The following LETM1 variants were observed in gnomAD, a reference collection of about 807,000 sequenced individuals.
LETM1 encodes mitochondrial proton/calcium exchanger protein.
LETM1 carries 50 observed loss-of-function variants against 74.5 expected under a neutral mutation model. The observed-to-expected ratio is 0.67, with a 90% CI of 0.53 to 0.85. The LOEUF (loss-of-function observed/expected upper bound fraction) is 0.85, where lower values mean the gene tolerates loss of function less well. LETM1 is among the 40% of genes least tolerant of loss of function. LETM1 has a pLI of 0.00. For synonymous variants in LETM1, 446 were observed against 407.1 expected, an observed-to-expected ratio of 1.10 and a Z score of -1.15; for missense variants, 824 against 967.8, an observed-to-expected ratio of 0.85 and a Z score of 1.97.
intron 5 of LETM1, 32 bp from the exon 6 acceptor site, chr4:1,832,979 GAC>G (rs754968651): frequency 6.2e-7 from 1 of 1,605,012 alleles, no homozygotes; most frequent in Non-Finnish European, 8.5e-7. Context: ...TCATCCCCGG[GAC>G]ACGCGCCCAC....
intron 2 of LETM1, among the ~76,000 whole-genome samples, chr4:1,843,660 G>C (rs1176609482): frequency 6.6e-6 from 1 of 152,234 alleles, no homozygotes; most frequent in Non-Finnish European, 1.5e-5. Flanking sequence ...TGAGGCCTGG[G>C]AGGGGTGGGA....
At position 1,849,222 on chromosome 4, in the gene LETM1, C is replaced by G. The variant is rs201541239; in HGVS notation, c.83-13G>C. ...TCCCCTGGACTACCTGTAACAGGAA[C>G]AGGGGAAAATAAATGAGTAGTAAAT... On this transcript the variant is annotated splice_polypyrimidine_tract_variant and intron_variant, in intron 1 of 13. Coordinates refer to ENST00000302787, the MANE Select transcript of LETM1 (RefSeq NM_012318.3). 341 of 1,601,858 alleles carry G rather than the reference C, an allele frequency of 2.1e-4. No homozygotes were observed. Among genetic ancestry groups the G allele is most frequent in the Non-Finnish European group, 2.8e-4 (331 of 1,169,502 alleles).
chr4:1,823,093 G>C lies in LETM1; in HGVS notation c.1371C>G (p.Gly457=). 1 of 1,608,232 alleles carries C rather than the reference G, an allele frequency of 6.2e-7. No individual in the cohort carries two copies. The highest frequency in any genetic ancestry group is 8.5e-7 in the Non-Finnish European group (1 of 1,176,772). Reference sequence around the variant, plus strand: ...GCTTGGCCTTGTTGTCCACCTGCTCGCCCTCCACCTCGGCCACTTTCACCT... The same window carrying C: ...GCTTGGCCTTGTTGTCCACCTGCTCCCCCTCCACCTCGGCCACTTTCACCT... The part of the protein sequence containing the change: ...EAQVKVAEVE[G]EQVDNKAKLE... Residue 457 remains glycine, a synonymous_variant, in exon 9 of 14, where the codon GGC becomes GGG. Transcript: ENST00000302787.
At chr4:1,823,178 G>C in intron 8 of LETM1, 47 bp from the exon 9 acceptor site, 1 of 1,521,932 alleles carries the variant, frequency 6.6e-7, no homozygotes, top group South Asian at 1.3e-5. Flanking sequence ...GCCACCAGAG[G>C]CCCCTGCTGC....
intron 1 of LETM1, among the ~76,000 whole-genome samples, chr4:1,855,166 G>A (rs918040652): frequency 1.3e-5 from 2 of 152,172 alleles, no homozygotes; most frequent in Admixed American, 1.3e-4. Flanking sequence ...TATTTTACTT[G>A]AGTCCCTCTT....
intron 6 of LETM1, among the ~76,000 whole-genome samples, chr4:1,826,639 G>T (rs1711998065): frequency 6.6e-6 from 1 of 152,262 alleles, no homozygotes; most frequent in Non-Finnish European, 1.5e-5. Flanking sequence ...CTATGGGTGT[G>T]CCGGGTTAGG....
At chr4:1,823,540 G>A (rs370027982) in intron 8 of LETM1, 104 bp downstream of exon 8, 38 of 1,433,090 alleles carry the variant, frequency 2.7e-5, no homozygotes, top group African/African-American at 2.5e-4. Flanking sequence ...CAGGCTCCTC[G>A]CCCATGGTTG....
chr4:1,849,363 T>C (rs1712992446), intron 1 of LETM1, among the ~76,000 whole-genome samples, 154 bp from the exon 2 acceptor site: 1 of 152,158 alleles, frequency 6.6e-6, no homozygotes, highest in Admixed American at 6.5e-5. Context: ...CTCCTGGGTT[T>C]AATTGATTCT....
chr4:1,853,032 C>T (rs1172477269), intron 1 of LETM1, among the ~76,000 whole-genome samples: 1 of 152,156 alleles, frequency 6.6e-6, no homozygotes, highest in Non-Finnish European at 1.5e-5. Context: ...CAATCTCTTC[C>T]CTGACTTGAA....
At chr4:1,817,107 AT>A (rs1412281264) in intron 11 of LETM1, among the ~76,000 whole-genome samples, 193 bp from the exon 12 acceptor site, 1 of 152,106 alleles carries the variant, frequency 6.6e-6, no homozygotes, top group Non-Finnish European at 1.5e-5. Context: ...TTAGCTGGGC[AT>A]GATGGCAGGC....
intron 2 of LETM1, among the ~76,000 whole-genome samples, chr4:1,843,523 C>T (rs990929338): frequency 6.6e-6 from 1 of 152,236 alleles, no homozygotes; most frequent in Non-Finnish European, 1.5e-5. Flanking sequence ...TGGGGACCTC[C>T]CCCAAAAACT....
intron 13 of LETM1, among the ~76,000 whole-genome samples, chr4:1,815,168 G>C (rs575963596): frequency 3.9e-5 from 6 of 152,328 alleles, no homozygotes; most frequent in South Asian, 4.1e-4. Flanking sequence ...CAGGGTCTCC[G>C]GGGCTACCCT....
intron 4 of LETM1, among the ~76,000 whole-genome samples, chr4:1,835,486 A>AC (rs1712434914): frequency 6.6e-6 from 1 of 152,050 alleles, no homozygotes. Context: ...CAAACAAACA[A>AC]AAACAAACAA....
At chr4:1,828,481 G>C (rs1409733140) in intron 6 of LETM1, among the ~76,000 whole-genome samples, 5 of 119,770 alleles carry the variant, frequency 4.2e-5, no homozygotes, top group Admixed American at 7.6e-5. Context: ...CCTCCCGGAC[G>C]GGGCGGCTGG....
chr4:1,818,062 G>C (rs899268881), intron 11 of LETM1, among the ~76,000 whole-genome samples: 1 of 152,212 alleles, frequency 6.6e-6, no homozygotes, highest in African/African-American at 2.4e-5. Flanking sequence ...TTACAGGCCT[G>C]AGCCACCAGT....
chr4:1,855,667 G>T (rs1263768085), intron 1 of LETM1, among the ~76,000 whole-genome samples: 1 of 152,164 alleles, frequency 6.6e-6, no homozygotes, highest in Non-Finnish European at 1.5e-5. Flanking sequence ...CACAACACAC[G>T]GCAGAGGCCC....
intron 12 of LETM1, among the ~76,000 whole-genome samples, chr4:1,816,377 C>T (rs1484494893): frequency 6.6e-6 from 1 of 152,168 alleles, no homozygotes; most frequent in South Asian, 2.1e-4. Context: ...GCCGACTGCC[C>T]GAGCTGGTGT....
At chr4:1,837,431 G>A (rs1560497172) in intron 3 of LETM1, among the ~76,000 whole-genome samples, 1 of 152,014 alleles carries the variant, frequency 6.6e-6, no homozygotes, top group Non-Finnish European at 1.5e-5. Flanking sequence ...TCATTTTTCT[G>A]TTTTTTTATC....
intron 1 of LETM1, among the ~76,000 whole-genome samples, chr4:1,852,608 T>G (rs773459650): frequency 1.1e-4 from 16 of 152,028 alleles, no homozygotes; most frequent in Non-Finnish European, 1.8e-4. Context: ...CAGCATAAAC[T>G]CAGGTGCAGT....
Sources: allele counts gnomAD v4.1 joint callset (sites outside exome capture counted in the v4.1 genomes callset), GRCh38; gene constraint gnomAD v4.1.1; transcripts MANE v1.5; gene names NCBI Gene and HGNC (gene_info 2026-07-23, HGNC 2026-07-21).